Variants in MSRB3 observed in about 807,000 individuals in gnomAD.
MSRB3 encodes methionine-R-sulfoxide reductase B3.
Under a neutral mutation model 21.0 loss-of-function variants are expected in MSRB3, and 13 were observed. The observed-to-expected ratio is 0.62, with a 90% CI of 0.40 to 0.98. The LOEUF is 0.98. MSRB3 is among the 50% of genes least tolerant of loss of function. MSRB3 has a pLI of 0.00. For synonymous variants in MSRB3, 87 were observed against 88.6 expected, an observed-to-expected ratio of 0.98 and a Z score of 0.10; for missense variants, 199 against 230.3, an observed-to-expected ratio of 0.86 and a Z score of 0.88.
chr12:65,312,094 T>G (rs73318448), intron 2 of MSRB3, among the ~76,000 whole-genome samples: 4,022 of 152,160 alleles, frequency 0.026, 192 homozygotes, highest in African/African-American at 0.092. Context: ...CAAAGCTCTG[T>G]CCTTAACTTG....
chr12:65,368,633 A>G (rs1228725991), intron 4 of MSRB3, among the ~76,000 whole-genome samples: 1 of 152,206 alleles, frequency 6.6e-6, no homozygotes, highest in African/African-American at 2.4e-5. Context: ...CAAACCTTGA[A>G]TAATAAAGAG....
At chr12:65,323,190 G>T (rs1166082176) in intron 2 of MSRB3, among the ~76,000 whole-genome samples, 2 of 152,178 alleles carry the variant, frequency 1.3e-5, no homozygotes, top group East Asian at 3.8e-4. Flanking sequence ...AGGTCACGTG[G>T]CTGGGAAGCA....
At chr12:65,460,258 A>G (rs1373829136) in intron 6 of MSRB3, among the ~76,000 whole-genome samples, 2 of 152,206 alleles carry the variant, frequency 1.3e-5, no homozygotes, top group Non-Finnish European at 1.5e-5. Context: ...TAAAGAAACA[A>G]TGCTCCTCTG....
chr12:65,412,034 A>G (rs1222749525), intron 5 of MSRB3, among the ~76,000 whole-genome samples: 1 of 152,104 alleles, frequency 6.6e-6, no homozygotes, highest in Non-Finnish European at 1.5e-5. Flanking sequence ...TGAAGAATCC[A>G]GGGCTGTGTT....
intron 6 of MSRB3, among the ~76,000 whole-genome samples, chr12:65,457,014 T>C (rs147660559): frequency 5.3e-4 from 81 of 152,230 alleles, no homozygotes; most frequent in African/African-American, 1.8e-3. Flanking sequence ...AATTTTCCTT[T>C]TTCTCAGGCA....
Position 65,464,398 on chromosome 12 carries a change from G to A in MSRB3, c.*1076G>A, listed in dbSNP as rs1883476317. The stretch of plus-strand genomic sequence containing the variant: ...ACTTGGGAGGCGGAGGTTGCAGTGA[G>A]CTGAGCTCATACCACTGCACTCCAG... On this transcript the variant is annotated 3_prime_UTR_variant, in exon 7 of 7. Coordinates refer to ENST00000308259, the MANE Select transcript of MSRB3 (RefSeq NM_001031679.3). The A allele has an allele frequency of 6.6e-6, 1 of 152,432 alleles. No individual in the cohort carries two copies. The highest frequency in any genetic ancestry group is 1.5e-5 in the Non-Finnish European group (1 of 68,228). The allele number at this position is 152,432 out of a possible 1,614,324, so 9.4% of individuals were successfully genotyped here. A position where few individuals can be genotyped will look rare whatever the true frequency, so the allele number is the denominator to read the frequency against.
At chr12:65,315,515 C>T (rs1874235415) in intron 2 of MSRB3, among the ~76,000 whole-genome samples, 1 of 151,700 alleles carries the variant, frequency 6.6e-6, no homozygotes, top group African/African-American at 2.4e-5. Flanking sequence ...ACTAAAAATA[C>T]AATAATTAGC....
intron 3 of MSRB3, 137 bp from the exon 4 acceptor site, chr12:65,328,389 T>G (rs1875194179): frequency 1.5e-6 from 1 of 658,458 alleles, no homozygotes; most frequent in Admixed American, 2.5e-5. Flanking sequence ...AAGTTCAGAT[T>G]TCCATATGTT....
At chr12:65,295,887 A>G (rs988285983) in intron 1 of MSRB3, among the ~76,000 whole-genome samples, 2 of 152,242 alleles carry the variant, frequency 1.3e-5, no homozygotes, top group African/African-American at 4.8e-5. Flanking sequence ...CTGTAATGTC[A>G]TAGATAATTC....
intron 5 of MSRB3, among the ~76,000 whole-genome samples, chr12:65,412,613 G>T (rs1224097264): frequency 1.3e-5 from 2 of 152,084 alleles, no homozygotes. Context: ...TTTTGCCATT[G>T]AAAGAATGGC....
At chr12:65,346,425 T>C (rs988988606) in intron 4 of MSRB3, among the ~76,000 whole-genome samples, 50 of 152,278 alleles carry the variant, frequency 3.3e-4, no homozygotes, top group African/African-American at 1.1e-3. Context: ...CACTTTTTGA[T>C]GGGGTTGTTT....
rs377635653 is a variant in MSRB3, at chr12:65,318,549, G to GA, written c.77-8268dup. On this transcript the variant is annotated intron_variant, in intron 2 of 6. Coordinates refer to ENST00000308259, the MANE Select transcript of MSRB3 (RefSeq NM_001031679.3). ...GATGTTCTAGTGAAGACCCATACTG[G>GA]AAAAAAAAATTAAAAACAGGGAACT... 7.8e-3 allele frequency among the ~76,000 whole-genome samples: 1,176 copies of GA among 150,902 alleles called. 16 individuals are homozygous for GA. Among genetic ancestry groups the GA allele is most frequent in the African/African-American group, 0.027 (1,131 of 41,144 alleles).
intron 5 of MSRB3, among the ~76,000 whole-genome samples, chr12:65,411,568 C>G (rs1373056880): frequency 1.3e-5 from 2 of 151,962 alleles, no homozygotes. Context: ...CGGTTAAATC[C>G]TCATGAAATT....
At chr12:65,288,178 C>T (rs1872490530) in intron 1 of MSRB3, among the ~76,000 whole-genome samples, 1 of 151,842 alleles carries the variant, frequency 6.6e-6, no homozygotes, top group Non-Finnish European at 1.5e-5. Context: ...TGGTGTGTGC[C>T]TGTAGTCCCA....
chr12:65,445,585 C>A lies in MSRB3; in HGVS notation c.293-8143C>A, dbSNP rs1054806031. On this transcript the variant is annotated intron_variant, in intron 5 of 6. Coordinates refer to ENST00000308259, the MANE Select transcript of MSRB3 (RefSeq NM_001031679.3). ...TTTTATCTGCATGAATTTTTAGAGT[C>A]TATAGGTTTATGCTAATTTCATGTA... Among the ~76,000 whole-genome samples the A allele has an allele frequency of 3.3e-5, 5 of 151,140 alleles. No homozygotes were observed. In the East Asian group the frequency reaches 9.7e-4, roughly 29 times the overall value.
At chr12:65,297,458 G>A (rs1873044374) in intron 1 of MSRB3, among the ~76,000 whole-genome samples, 3 of 152,172 alleles carry the variant, frequency 2.0e-5, no homozygotes, top group African/African-American at 7.2e-5. Flanking sequence ...AGACAAGACT[G>A]TATGGGAAAC....
intron 5 of MSRB3, among the ~76,000 whole-genome samples, chr12:65,446,970 T>C (rs915391445): frequency 6.6e-6 from 1 of 152,220 alleles, no homozygotes; most frequent in East Asian, 1.9e-4. Context: ...GATCATTAGT[T>C]ACCCACAAGA....
At chr12:65,410,233 A>G (rs1423347962) in intron 5 of MSRB3, among the ~76,000 whole-genome samples, 2 of 152,174 alleles carry the variant, frequency 1.3e-5, no homozygotes, top group Admixed American at 6.5e-5. Flanking sequence ...TATTAAGGAT[A>G]TTAGATCATC....
chr12:65,431,494 C>T (rs964457213), intron 5 of MSRB3, among the ~76,000 whole-genome samples: 2 of 151,880 alleles, frequency 1.3e-5, no homozygotes, highest in Non-Finnish European at 2.9e-5. Context: ...TTTCATCACT[C>T]GTTTGGTATA....
Sources: gnomAD v4.1 joint callset for allele counts (sites outside exome capture counted in the v4.1 genomes callset) on GRCh38, gnomAD v4.1.1 for gene constraint, MANE v1.5 for transcripts, NCBI Gene and HGNC (gene_info 2026-07-23, HGNC 2026-07-21) for gene names.